SNX24: variants seen among roughly 807,000 people sequenced by gnomAD.
SNX24 encodes the protein sorting nexin-24.
Under a neutral mutation model 28.7 loss-of-function variants are expected in SNX24, and 22 were observed. That is an observed-to-expected ratio of 0.77 (90% CI 0.55 to 1.10). SNX24 has a LOEUF of 1.10. Among genes scored for constraint, SNX24 ranks in the 50% least tolerant of loss-of-function variants. SNX24 has a pLI of 0.00. For missense variants in SNX24, 221 were observed against 201.1 expected (o/e 1.10, Z -0.60); for synonymous variants, 69 against 71.5 (o/e 0.96, Z 0.18).
chr5:122,910,311 T>C (rs1757824587), intron 1 of SNX24, among the ~76,000 whole-genome samples: 1 of 152,122 alleles, frequency 6.6e-6, no homozygotes, highest in Admixed American at 6.6e-5. Context: ...CACCCCCTTC[T>C]CTACTGCCTT....
At chr5:122,958,572 T>C (rs1231137586) in intron 3 of SNX24, among the ~76,000 whole-genome samples, 1 of 152,120 alleles carries the variant, frequency 6.6e-6, no homozygotes, top group African/African-American at 2.4e-5. Flanking sequence ...AGTTTTTTTT[T>C]CACATCAATT....
intron 1 of SNX24, among the ~76,000 whole-genome samples, chr5:122,921,471 T>C (rs564075665): frequency 6.6e-6 from 1 of 152,298 alleles, no homozygotes; most frequent in South Asian, 2.1e-4. Context: ...CTTTTAAGTC[T>C]ATGTGTCCTG....
chr5:122,853,406 C>T (rs1478513591), intron 1 of SNX24, among the ~76,000 whole-genome samples: 3 of 152,100 alleles, frequency 2.0e-5, no homozygotes, highest in Non-Finnish European at 4.4e-5. Flanking sequence ...GGATTACAGG[C>T]GTGAGCCACC....
At chr5:123,012,409 A>G (rs1053437471), downstream of SNX24, among the ~76,000 whole-genome samples, 12 of 152,244 alleles carry the variant, frequency 7.9e-5, no homozygotes, top group African/African-American at 2.9e-4. Context: ...CAGTCACAAA[A>G]AAGCAAATAC....
intron 5 of SNX24, chr5:123,023,615 G>GT (rs1176608534): frequency 1.3e-4 from 40 of 300,328 alleles, no homozygotes; most frequent in East Asian, 2.9e-4. Flanking sequence ...CCAATTCAAA[G>GT]TTTTTTTTAG....
chr5:122,931,457 C>A (rs932153032), intron 1 of SNX24, among the ~76,000 whole-genome samples: 1 of 152,028 alleles, frequency 6.6e-6, no homozygotes, highest in Non-Finnish European at 1.5e-5. Context: ...CAAGAAATGG[C>A]GCTTTTAGAG....
intron 2 of SNX24, among the ~76,000 whole-genome samples, chr5:122,938,079 G>A (rs1397446046): frequency 1.3e-5 from 2 of 152,032 alleles, no homozygotes; most frequent in Non-Finnish European, 2.9e-5. Context: ...TCAACACCTA[G>A]GACTCCATGA....
Position 122,999,984 on chromosome 5 carries a change from C to G in SNX24, c.322C>G (p.Leu108Val), listed in dbSNP as rs199736090. The G allele has an allele frequency of 1.9e-5, 30 of 1,609,896 alleles. No homozygotes were observed. The highest frequency in any genetic ancestry group is 2.7e-5 in the African/African-American group (2 of 74,846). The change falls in exon 4 of 7, where the codon CTA (leucine) becomes GTA (valine). Residue 108 changes from leucine to valine, a missense_variant. Leu to Val is a conservative substitution (Grantham distance 32). Coordinates refer to ENST00000261369, the MANE Select transcript of SNX24 (RefSeq NM_014035.4). ...DFLNVRHLPS[L>V]PKAESCGSFD... ...CCTAAATGTGCGACACTTGCCCTCTCTACCAAAGGCAGAAAGTTGTGGGTA... is the reference window on the plus strand; with the variant it reads ...CCTAAATGTGCGACACTTGCCCTCTGTACCAAAGGCAGAAAGTTGTGGGTA...
chr5:122,971,552 A>G (rs1760959481), intron 3 of SNX24, among the ~76,000 whole-genome samples: 1 of 152,238 alleles, frequency 6.6e-6, no homozygotes, highest in Non-Finnish European at 1.5e-5. Flanking sequence ...TGTGTAACGT[A>G]ATACAGCTAT....
intron 5 of SNX24, chr5:123,026,081 T>G: frequency 3.4e-6 from 3 of 889,620 alleles, no homozygotes; most frequent in Non-Finnish European, 3.3e-6. Flanking sequence ...GAGGTAGGGA[T>G]GGGGAAGACA....
chr5:122,992,505 T>C (rs995009098), intron 3 of SNX24, among the ~76,000 whole-genome samples: 10 of 152,196 alleles, frequency 6.6e-5, no homozygotes, highest in African/African-American at 2.2e-4. Context: ...GCTTCTACTT[T>C]CCACAGGCCT....
In SNX24 at chr5:122,977,210, T is replaced by C. The variant is rs111569768; in HGVS notation, c.250-22702T>C. Among the ~76,000 whole-genome samples the C allele has an allele frequency of 4.3e-3, 649 of 152,316 alleles. 5 individuals are homozygous for C. Among genetic ancestry groups the C allele is most frequent in the African/African-American group, 0.015 (617 of 41,562 alleles). On this transcript the variant is annotated intron_variant, in intron 3 of 6. Transcript: ENST00000261369. ...TATTCATTTATTAGGGTTTTAAACA[T>C]TAAAAGTGAATTTTTACTTGTGGCT...
At chr5:122,957,632 A>C (rs912726941) in intron 3 of SNX24, among the ~76,000 whole-genome samples, 1 of 152,210 alleles carries the variant, frequency 6.6e-6, no homozygotes, top group Non-Finnish European at 1.5e-5. Flanking sequence ...ACATCTTAAC[A>C]ATTTCAGGTC....
At chr5:122,893,452 C>T (rs961460877) in intron 1 of SNX24, among the ~76,000 whole-genome samples, 4 of 151,962 alleles carry the variant, frequency 2.6e-5, no homozygotes, top group Non-Finnish European at 5.9e-5. Flanking sequence ...TTAATCATTG[C>T]TTTTAGACTC....
chr5:122,952,614 C>G (rs1759999493), intron 3 of SNX24, among the ~76,000 whole-genome samples: 1 of 152,152 alleles, frequency 6.6e-6, no homozygotes, highest in African/African-American at 2.4e-5. Flanking sequence ...TTGAAGAAAA[C>G]AAGTAGCATG....
intron 1 of SNX24, among the ~76,000 whole-genome samples, chr5:122,862,510 G>A (rs1246255581): frequency 1.3e-5 from 2 of 151,274 alleles, no homozygotes; most frequent in Admixed American, 6.6e-5. Flanking sequence ...GCTGAGGCAG[G>A]AGAATGGCGT....
In SNX24 at chr5:123,024,746, C is replaced by T. The variant is rs1023350193; in HGVS notation, n.384-4492C>T. On this transcript the variant is annotated intron_variant and non_coding_transcript_variant, in intron 5 of 5. Transcript: ENST00000502387. ...ACAGGTAGTTGTGAAGGAACTGCAGCGAGCAAGACTGGTTTATTTACATTT... is the reference window on the plus strand; with the variant it reads ...ACAGGTAGTTGTGAAGGAACTGCAGTGAGCAAGACTGGTTTATTTACATTT... Among the ~76,000 whole-genome samples, 7 of 152,246 alleles carry T rather than the reference C, an allele frequency of 4.6e-5. No homozygotes were observed. The South Asian group carries it at 6.2e-4, about 14-fold the overall frequency.
At chr5:122,875,256 A>G (rs1756171321) in intron 1 of SNX24, among the ~76,000 whole-genome samples, 1 of 152,228 alleles carries the variant, frequency 6.6e-6, no homozygotes, top group South Asian at 2.1e-4. Context: ...ACACTGTATT[A>G]AAACTGATTA....
intron 1 of SNX24, among the ~76,000 whole-genome samples, chr5:122,916,297 C>T (rs1758162171): frequency 6.6e-6 from 1 of 152,138 alleles, no homozygotes; most frequent in Admixed American, 6.6e-5. Flanking sequence ...GACTCTGTTT[C>T]CAGGGAGACC....
Sources: gnomAD v4.1 joint callset for allele counts (sites outside exome capture counted in the v4.1 genomes callset) on GRCh38, gnomAD v4.1.1 for gene constraint, MANE v1.5 for transcripts, NCBI Gene and HGNC (gene_info 2026-07-23, HGNC 2026-07-21) for gene names.